The following ABCA5 variants were observed in gnomAD, a reference collection of about 807,000 sequenced individuals.
ABCA5 encodes the protein ATP binding cassette subfamily A member 5, also known as cholesterol transporter ABCA5.
ABCA5 carries 163 observed loss-of-function variants against 206.0 expected under a neutral mutation model. The observed-to-expected ratio is 0.79, with a 90% CI of 0.70 to 0.90. The LOEUF (loss-of-function observed/expected upper bound fraction) is 0.90, where lower values mean the gene tolerates loss of function less well. Among genes scored for constraint, ABCA5 ranks in the 40% least tolerant of loss-of-function variants. The probability of loss-of-function intolerance (pLI) is 0.00; values close to 1 mark genes in which losing one functional copy is unlikely to be tolerated. For synonymous variants in ABCA5, 609 were observed against 613.8 expected, an observed-to-expected ratio of 0.99 and a Z score of 0.11; for missense variants, 1,859 against 1,912.9, an observed-to-expected ratio of 0.97 and a Z score of 0.53.
intron 11 of ABCA5, among the ~76,000 whole-genome samples, chr17:69,292,234 C>T (rs1677946789): frequency 6.6e-6 from 1 of 152,094 alleles, no homozygotes; most frequent in African/African-American, 2.4e-5. Context: ...AACAACTAAA[C>T]GTTAAGTGTT....
chr17:69,302,688 T>C, intron 8 of ABCA5, 30 bp downstream of exon 8: 1 of 1,384,350 alleles, frequency 7.2e-7, no homozygotes, highest in Non-Finnish European at 9.5e-7. Context: ...AGAAAATATT[T>C]AGTGAATGCA....
intron 9 of ABCA5, among the ~76,000 whole-genome samples, chr17:69,298,263 G>GGAAA (rs2075608561): frequency 7.6e-6 from 1 of 130,882 alleles, no homozygotes; most frequent in Non-Finnish European, 1.6e-5. Context: ...AAGGAAGGAA[G>GGAAA]GAAGGAAGGA....
chr17:69,254,505 A>C lies in ABCA5; in HGVS notation c.4069-15T>G. ...CCTAAAAATACCTATAGAAACACAA[A>C]CCAATTTTTATTATTTTGCTTAATT... On this transcript the variant is annotated splice_polypyrimidine_tract_variant and intron_variant, in intron 31 of 38. Coordinates refer to ENST00000392676, the MANE Select transcript of ABCA5 (RefSeq NM_172232.4). The C allele has an allele frequency of 6.2e-7, 1 of 1,600,102 alleles. No homozygotes were observed. Among genetic ancestry groups the C allele is most frequent in the Non-Finnish European group, 8.5e-7 (1 of 1,173,650 alleles).
rs528640216 is a variant in ABCA5, at chr17:69,308,182, C to T, written c.558+98G>A. 5.5e-4 allele frequency: 313 copies of T among 564,742 alleles called. 1 individual carries two copies. Among genetic ancestry groups the T allele is most frequent in the Non-Finnish European group, 8.5e-4 (291 of 340,808 alleles). The allele number at this position is 564,742 out of a possible 1,614,324, so 35.0% of individuals were successfully genotyped here. A position where few individuals can be genotyped will look rare whatever the true frequency, so the allele number is the denominator to read the frequency against. ...GTTGTAGTAGGTTACATATTTTGTA[C>T]ATTTGACAGTAGTCAAACCAAATAC... On this transcript the variant is annotated intron_variant, in intron 5 of 38. Transcript: ENST00000392676.
In ABCA5 at chr17:69,247,578, G is replaced by T; in HGVS notation, c.4888C>A (p.Leu1630Ile). The change falls in exon 39 of 39, where the codon CTT (leucine) becomes ATT (isoleucine). Residue 1630 changes from leucine to isoleucine, a missense_variant. Coordinates refer to ENST00000392676, the MANE Select transcript of ABCA5 (RefSeq NM_172232.4). ...DNSCGTLNST[L>I]WWERTQEDRV... ...TCTTCTTGTGTTCGTTCCCACCAAA[G>T]TGTGCTGTTTAAAGTTCCACAACTA... 6.2e-7 allele frequency: 1 copy of T among 1,609,896 alleles called. No homozygotes were observed. The highest frequency in any genetic ancestry group is 8.5e-7 in the Non-Finnish European group (1 of 1,178,474).
At chr17:69,324,483 T>G (rs1300167016) in intron 1 of ABCA5, among the ~76,000 whole-genome samples, 1 of 152,216 alleles carries the variant, frequency 6.6e-6, no homozygotes, top group African/African-American at 2.4e-5. Context: ...AAGTTTCTGG[T>G]ATCCAAAATT....
intron 15 of ABCA5, among the ~76,000 whole-genome samples, chr17:69,286,831 T>C (rs973593660): frequency 1.3e-5 from 2 of 152,232 alleles, no homozygotes; most frequent in African/African-American, 4.8e-5. Context: ...AACTTCTATA[T>C]CTGTCATAGC....
rs2074943927 is a variant in ABCA5, at chr17:69,245,792, A to G, written c.*1745T>C. Reference sequence around the variant, plus strand: ...ATTACACATTCACAAATGTAAAGTGAAAGTTACCAAATCTACGTGCAAAAG... The same window carrying G: ...ATTACACATTCACAAATGTAAAGTGGAAGTTACCAAATCTACGTGCAAAAG... On this transcript the variant is annotated 3_prime_UTR_variant, in exon 39 of 39. Transcript: ENST00000392676. The G allele has an allele frequency of 6.6e-6, 1 of 152,028 alleles. No homozygotes were observed. The highest frequency in any genetic ancestry group is 6.5e-5 in the Admixed American group (1 of 15,276). 9.4% of individuals were successfully genotyped at this position (152,028 alleles called of 1,614,324 possible). A position where few individuals can be genotyped will look rare whatever the true frequency, so the allele number is the denominator to read the frequency against.
At chr17:69,265,311 T>C (rs2075196230) in intron 23 of ABCA5, among the ~76,000 whole-genome samples, 1 of 152,138 alleles carries the variant, frequency 6.6e-6, no homozygotes, top group African/African-American at 2.4e-5. Flanking sequence ...GTTTTAAAAA[T>C]GAACCTTTCA....
chr17:69,284,051 C>T lies in ABCA5; in HGVS notation c.2294G>A (p.Ser765Asn), dbSNP rs754371724. 5.7e-6 allele frequency: 9 copies of T among 1,586,958 alleles called. No homozygotes were observed. In the Admixed American group the frequency reaches 1.1e-4, roughly 19 times the overall value. ...AGAAATGACACCCAAATTTGAATGA[C>T]TGTCTAGGGCAGAAAACAAACCTAA... The part of the protein sequence containing the change: ...KFSGLFSALD[S>N]HSNLGVISYG... Residue 765 changes from serine (S) to asparagine (N), a missense_variant, in exon 18 of 39, where the codon AGT (serine) becomes AAT (asparagine). Coordinates refer to ENST00000392676, the MANE Select transcript of ABCA5 (RefSeq NM_172232.4).
At chr17:69,290,494 TAAAAC>T (rs1275175546) in intron 12 of ABCA5, among the ~76,000 whole-genome samples, 3 of 152,120 alleles carry the variant, frequency 2.0e-5, no homozygotes, top group Non-Finnish European at 2.9e-5. Flanking sequence ...TAGTGAAAAT[TAAAAC>T]AATCATACAT....
At chr17:69,298,469 T>C (rs117386167) in intron 9 of ABCA5, among the ~76,000 whole-genome samples, 156 of 152,302 alleles carry the variant, frequency 1.0e-3, no homozygotes, top group African/African-American at 3.5e-3. Context: ...TTCTTTTAGA[T>C]TGGCCACATT....
chr17:69,247,600 A>G lies in ABCA5; in HGVS notation c.4866T>C (p.Ser1622=). Residue 1622 remains serine (S), a synonymous_variant, in exon 39 of 39, where the codon AGT becomes AGC. Transcript: ENST00000392676. The part of the protein sequence containing the change: ...LTKEQEEEDN[S]CGTLNSTLWW... ...AAAGTGTGCTGTTTAAAGTTCCACA[A>G]CTATTATCTTCCTCCTCTTGTTCTT... 6.2e-7 allele frequency: 1 copy of G among 1,611,260 alleles called. No homozygotes were observed. Among genetic ancestry groups the G allele is most frequent in the Non-Finnish European group, 8.5e-7 (1 of 1,178,894 alleles).
chr17:69,284,514 A>G (rs2075430149), intron 17 of ABCA5, among the ~76,000 whole-genome samples: 1 of 152,134 alleles, frequency 6.6e-6, no homozygotes. Context: ...AATAAAATAA[A>G]TATGTACATT....
chr17:69,318,732 C>G (rs1162443525), intron 1 of ABCA5: 3 of 619,704 alleles, frequency 4.8e-6, no homozygotes. Flanking sequence ...GAGTAGACAC[C>G]ATGAGCAAAG....
Position 69,259,730 on chromosome 17 carries a change from G to A in ABCA5, c.3707C>T (p.Ser1236Leu), listed in dbSNP as rs368305519. 7.8e-5 allele frequency: 125 copies of A among 1,606,262 alleles called. No homozygotes were observed. The highest frequency in any genetic ancestry group is 1.0e-4 in the Non-Finnish European group (121 of 1,174,826). The change falls in exon 28 of 39, where the codon TCA (serine) becomes TTA (leucine). Residue 1236 changes from serine to leucine, a missense_variant. Coordinates refer to ENST00000392676, the MANE Select transcript of ABCA5 (RefSeq NM_172232.4). Reference sequence around the variant, plus strand: ...CCTGAAAAAGGGATCTTTTCTTATTGATCTGCCTCCATATTTTTTCTCATA... The same window carrying A: ...CCTGAAAAAGGGATCTTTTCTTATTAATCTGCCTCCATATTTTTTCTCATA... ...QYYEKKYGGR[S>L]IRKDPFFRNL... is the part of the protein sequence containing the mutation.
chr17:69,255,542 C>T lies in ABCA5; in HGVS notation c.4068+1G>A. ...ATATCCTATACTCTTATATATCATA[C>T]CTGGCCTGAAGTTGGTTCAATATCA... On this transcript the variant is annotated splice_donor_variant, in intron 31 of 38. Coordinates refer to ENST00000392676, the MANE Select transcript of ABCA5 (RefSeq NM_172232.4). LOFTEE classifies it high-confidence loss of function. The T allele has an allele frequency of 1.3e-6, 2 of 1,543,238 alleles. No individual in the cohort carries two copies. The highest frequency in any genetic ancestry group is 1.7e-6 in the Non-Finnish European group (2 of 1,150,428).
At chr17:69,262,613 C>T (rs538506377) in intron 24 of ABCA5, among the ~76,000 whole-genome samples, 34 of 152,060 alleles carry the variant, frequency 2.2e-4, no homozygotes, top group Non-Finnish European at 4.6e-4. Flanking sequence ...ATGTACCACA[C>T]TTTCTTTATT....
At chr17:69,290,612 C>G (rs1343930754) in intron 12 of ABCA5, among the ~76,000 whole-genome samples, 1 of 152,032 alleles carries the variant, frequency 6.6e-6, no homozygotes, top group East Asian at 1.9e-4. Context: ...CAAAATCAAA[C>G]TAATTTTAAA....
Sources: allele counts gnomAD v4.1 joint callset (sites outside exome capture counted in the v4.1 genomes callset), GRCh38; gene constraint gnomAD v4.1.1; transcripts MANE v1.5; gene names NCBI Gene and HGNC (gene_info 2026-07-23, HGNC 2026-07-21).